The following FREM2 variants were observed in gnomAD, a reference collection of about 807,000 sequenced individuals.
FREM2 encodes the protein FRAS1-related extracellular matrix protein 2.
A neutral mutation model predicts 219.9 loss-of-function variants in FREM2; 119 were observed. The ratio of observed to expected loss-of-function variants is 0.54; its 90% CI spans 0.47 to 0.63. The LOEUF (loss-of-function observed/expected upper bound fraction) is 0.63, where lower values mean the gene tolerates loss of function less well. Among genes scored for constraint, FREM2 ranks in the 30% least tolerant of loss-of-function variants. The pLI, the probability that FREM2 is intolerant of heterozygous loss-of-function variation, is 0.00. For missense variants in FREM2, 4,030 were observed against 3,993.6 expected (o/e 1.01, Z -0.25); for synonymous variants, 1,562 against 1,522.8 (o/e 1.03, Z -0.60).
intron 18 of FREM2, among the ~76,000 whole-genome samples, chr13:38,875,578 G>C (rs944416351): frequency 4.6e-5 from 7 of 152,176 alleles, no homozygotes; most frequent in Admixed American, 6.5e-5. Context: ...ACTAAAATCA[G>C]ACTCCATTCA....
At chr13:38,823,433 C>G (rs775675166) in intron 6 of FREM2, among the ~76,000 whole-genome samples, 3 of 151,906 alleles carry the variant, frequency 2.0e-5, no homozygotes, top group Non-Finnish European at 4.4e-5. Context: ...GACAAGGCTC[C>G]CACCACAAGG....
intron 8 of FREM2, 29 bp downstream of exon 8, chr13:38,848,699 A>T: frequency 1.3e-6 from 2 of 1,536,442 alleles, no homozygotes; most frequent in Non-Finnish European, 1.8e-6. Flanking sequence ...TATAATTTAC[A>T]ATGATAATTG....
rs550525757 is a variant in FREM2, at chr13:38,750,548, T to C, written c.5264-13756T>C. ...TCCATTGATGAATACTTAAATTGAT[T>C]CCATATATTGGCTATTGTGAATACT... On this transcript the variant is annotated intron_variant, in intron 2 of 23. Coordinates refer to ENST00000280481, the MANE Select transcript of FREM2 (RefSeq NM_207361.6). Among the ~76,000 whole-genome samples, 13 of 152,340 alleles carry C rather than the reference T, an allele frequency of 8.5e-5. No homozygotes were observed. In the South Asian group the frequency reaches 2.3e-3, roughly 27 times the overall value.
chr13:38,724,892 C>T (rs763944343), intron 2 of FREM2, among the ~76,000 whole-genome samples: 49 of 152,138 alleles, frequency 3.2e-4, no homozygotes, highest in African/African-American at 8.4e-4. Context: ...TAAGATCATA[C>T]GTCCATCCAG....
chr13:38,831,649 G>A lies in FREM2; in HGVS notation c.6020-14924G>A, dbSNP rs183607568. Among the ~76,000 whole-genome samples the A allele has an allele frequency of 3.1e-4, 43 of 139,686 alleles. No individual in the cohort carries two copies. In the East Asian group the frequency reaches 8.0e-3, roughly 26 times the overall value. The allele number at this position is 139,686 out of a possible 152,430, so 91.6% of individuals were successfully genotyped here. A position where few individuals can be genotyped will look rare whatever the true frequency, so the allele number is the denominator to read the frequency against. The stretch of plus-strand genomic sequence containing the variant: ...TTTTGAGATGGAGTCTTGCTCTGTC[G>A]CCCAAGCTGGAGTTCAGTGGTGTGA... On this transcript the variant is annotated intron_variant, in intron 6 of 23. Coordinates refer to ENST00000280481, the MANE Select transcript of FREM2 (RefSeq NM_207361.6).
chr13:38,855,862 C>A (rs1042296198), intron 11 of FREM2, among the ~76,000 whole-genome samples: 2 of 151,656 alleles, frequency 1.3e-5, no homozygotes, highest in African/African-American at 4.8e-5. Flanking sequence ...ACCTCCTGTT[C>A]CCCTAAAACT....
Position 38,687,708 on chromosome 13 carries a change from C to T in FREM2, c.364C>T (p.Leu122=), listed in dbSNP as rs188243086. The T allele has an allele frequency of 2.6e-6, 4 of 1,566,378 alleles. No homozygotes were observed. In the African/African-American group the frequency reaches 5.4e-5, roughly 21 times the overall value. Residue 122 remains leucine, a synonymous_variant, in exon 1 of 24, where the codon CTG becomes TTG. Coordinates refer to ENST00000280481, the MANE Select transcript of FREM2 (RefSeq NM_207361.6). ...CGCACTGGCCCAGCGACCGGGCCGCCTGAGTCCCAAGCGCTTCCCGTGCGA... is the reference window on the plus strand; with the variant it reads ...CGCACTGGCCCAGCGACCGGGCCGCTTGAGTCCCAAGCGCTTCCCGTGCGA... ...NDALAQRPGR[L]SPKRFPCDFG... is the part of the protein sequence containing the mutation.
chr13:38,880,738 AGCCCATGGT>A lies in FREM2; in HGVS notation c.9466_9474del (p.Met3156_Pro3158del). 1 of 1,614,222 alleles carries A rather than the reference AGCCCATGGT, an allele frequency of 6.2e-7. No homozygotes were observed. The highest frequency in any genetic ancestry group is 1.3e-5 in the African/African-American group (1 of 75,078). On this transcript the variant is annotated inframe_deletion, in exon 24 of 24. Coordinates refer to ENST00000280481, the MANE Select transcript of FREM2 (RefSeq NM_207361.6). ...GCCCCGAAAGGCTCCAGCAGCAGTG[AGCCCATGGT>A]GCCCCCACAGAGCCATCACAATGAC... is the stretch of plus-strand genomic sequence containing the variant.
intron 2 of FREM2, among the ~76,000 whole-genome samples, chr13:38,715,125 T>TA (rs1870945789): frequency 6.6e-6 from 1 of 152,120 alleles, no homozygotes; most frequent in Non-Finnish European, 1.5e-5. Flanking sequence ...TAAATATACT[T>TA]AAAAATGATT....
At chr13:38,821,099 G>T (rs1038904523) in intron 6 of FREM2, among the ~76,000 whole-genome samples, 1 of 152,064 alleles carries the variant, frequency 6.6e-6, no homozygotes, top group Non-Finnish European at 1.5e-5. Flanking sequence ...AGTCCTTATG[G>T]TGTCCCTATG....
chr13:38,766,812 C>CTTT (rs1489316062), intron 3 of FREM2, among the ~76,000 whole-genome samples: 2 of 152,188 alleles, frequency 1.3e-5, no homozygotes, highest in African/African-American at 2.4e-5. Context: ...TTCATACGTA[C>CTTT]ATTAAGCACT....
At chr13:38,857,033 T>G (rs1877588990) in intron 12 of FREM2, among the ~76,000 whole-genome samples, 1 of 152,200 alleles carries the variant, frequency 6.6e-6, no homozygotes, top group African/African-American at 2.4e-5. Context: ...TGCCTTGCTT[T>G]TTATCAAGTT....
intron 6 of FREM2, among the ~76,000 whole-genome samples, chr13:38,804,812 T>C (rs1391054595): frequency 6.6e-6 from 1 of 152,128 alleles, no homozygotes; most frequent in African/African-American, 2.4e-5. Flanking sequence ...CATTCCAGTT[T>C]GGCCAGGCTC....
At chr13:38,856,092 C>G in intron 11 of FREM2, 34 bp from the exon 12 acceptor site, 1 of 1,414,472 alleles carries the variant, frequency 7.1e-7, no homozygotes, top group Non-Finnish European at 9.9e-7. Context: ...TATTCATATG[C>G]AAATGATTTA....
In FREM2 at chr13:38,834,380, G is replaced by A. The variant is rs149206981; in HGVS notation, c.6020-12193G>A. Among the ~76,000 whole-genome samples the A allele has an allele frequency of 2.6e-4, 40 of 152,192 alleles. 1 individual carries two copies. In the East Asian group the frequency reaches 7.7e-3, roughly 29 times the overall value. On this transcript the variant is annotated intron_variant, in intron 6 of 23. Transcript: ENST00000280481. ...TTTTATGGCTGCATAGTATTCCATG[G>A]TATATATGTGCCACATTTTCTTTAT...
Position 38,692,536 on chromosome 13 carries a change from T to G in FREM2, c.5173+19T>G. ...ACACAAGGTATGTTTCATGTTTCTT[T>G]TCTTGGTTATCCTTGTTTCCTGAGA... On this transcript the variant is annotated intron_variant, in intron 1 of 23. Coordinates refer to ENST00000280481, the MANE Select transcript of FREM2 (RefSeq NM_207361.6). 1.2e-6 allele frequency: 2 copies of G among 1,604,480 alleles called. No homozygotes were observed. The highest frequency in any genetic ancestry group is 1.7e-6 in the Non-Finnish European group (2 of 1,179,750).
intron 20 of FREM2, 31 bp from the exon 21 acceptor site, chr13:38,877,086 T>C: frequency 6.2e-7 from 1 of 1,613,646 alleles, no homozygotes; most frequent in Non-Finnish European, 8.5e-7. Flanking sequence ...GAACCACTGA[T>C]GCATAAAAGA....
intron 2 of FREM2, among the ~76,000 whole-genome samples, chr13:38,748,605 TC>T (rs1872577379): frequency 6.6e-6 from 1 of 152,192 alleles, no homozygotes; most frequent in Admixed American, 6.5e-5. Flanking sequence ...TGCTGTGTGC[TC>T]CAATCCCTTC....
intron 2 of FREM2, among the ~76,000 whole-genome samples, chr13:38,753,498 G>A (rs1488007273): frequency 6.6e-6 from 1 of 152,126 alleles, no homozygotes; most frequent in Non-Finnish European, 1.5e-5. Flanking sequence ...AAAATGCTTG[G>A]CATCCGTTTA....
Sources: gnomAD v4.1 joint callset for allele counts (sites outside exome capture counted in the v4.1 genomes callset) on GRCh38, gnomAD v4.1.1 for gene constraint, MANE v1.5 for transcripts, NCBI Gene and HGNC (gene_info 2026-07-23, HGNC 2026-07-21) for gene names.